The following ENTPD1 variants were observed in gnomAD, a reference collection of about 807,000 sequenced individuals.
The protein encoded by ENTPD1 is ATP diphosphohydrolase.
Under a neutral mutation model 57.0 loss-of-function variants are expected in ENTPD1, and 33 were observed. That is an observed-to-expected ratio of 0.58 (90% confidence interval 0.44 to 0.77). ENTPD1 has a LOEUF of 0.77. Among genes scored for constraint, ENTPD1 ranks in the 30% least tolerant of loss-of-function variants. The pLI is 0.00. For missense variants in ENTPD1, 501 were observed against 603.4 expected, an observed-to-expected ratio of 0.83 and a Z score of 1.78; for synonymous variants, 202 against 218.8, an observed-to-expected ratio of 0.92 and a Z score of 0.68.
chr10:95,793,221 AGCAG>A (rs1458489025), intron 1 of ENTPD1, among the ~76,000 whole-genome samples: 1 of 152,264 alleles, frequency 6.6e-6, no homozygotes. Flanking sequence ...GCTTCTAAAA[AGCAG>A]GCTGATAGTA....
At chr10:95,824,831 G>A (rs1475377562) in intron 2 of ENTPD1, among the ~76,000 whole-genome samples, 1 of 152,164 alleles carries the variant, frequency 6.6e-6, no homozygotes, top group Non-Finnish European at 1.5e-5. Flanking sequence ...TGGCAAAATG[G>A]AACAAGGTCT....
intron 2 of ENTPD1, among the ~76,000 whole-genome samples, chr10:95,834,986 T>C (rs2098406231): frequency 6.6e-6 from 1 of 152,188 alleles, no homozygotes; most frequent in African/African-American, 2.4e-5. Context: ...TGCATATTTG[T>C]TTCATGGGTA....
At chr10:95,839,329 G>A in intron 2 of ENTPD1, 11 of 312,078 alleles carry the variant, frequency 3.5e-5, no homozygotes, top group South Asian at 3.4e-4. Flanking sequence ...ACAAGTTTGG[G>A]GACTATAGAT....
intron 7 of ENTPD1, among the ~76,000 whole-genome samples, chr10:95,859,091 G>A (rs1020883104): frequency 1.3e-5 from 2 of 152,130 alleles, no homozygotes; most frequent in African/African-American, 2.4e-5. Flanking sequence ...CCAAAAAAAG[G>A]AAAATTTATT....
chr10:95,831,298 A>G (rs754730852), intron 2 of ENTPD1, among the ~76,000 whole-genome samples: 1 of 152,202 alleles, frequency 6.6e-6, no homozygotes, highest in Non-Finnish European at 1.5e-5. Context: ...TGCAGGGATC[A>G]TTATTCTGCC....
At chr10:95,740,572 C>G (rs1275842349) in intron 1 of ENTPD1, among the ~76,000 whole-genome samples, 1 of 152,190 alleles carries the variant, frequency 6.6e-6, no homozygotes, top group African/African-American at 2.4e-5. Context: ...CTTCTCCTCT[C>G]TAGCTATGAA....
chr10:95,811,582 C>T (rs1288794514), intron 1 of ENTPD1, among the ~76,000 whole-genome samples: 1 of 152,134 alleles, frequency 6.6e-6, no homozygotes, highest in Non-Finnish European at 1.5e-5. Context: ...GAGATAGGGT[C>T]TCTCCCTATG....
At chr10:95,714,046 C>T (rs1019569443) in intron 1 of ENTPD1, among the ~76,000 whole-genome samples, 3 of 152,186 alleles carry the variant, frequency 2.0e-5, no homozygotes, top group African/African-American at 7.2e-5. Flanking sequence ...CATGATGGCT[C>T]ACTCCTGTAA....
At chr10:95,710,811 T>C (rs2097964954), upstream of ENTPD1, among the ~76,000 whole-genome samples, 1 of 152,218 alleles carries the variant, frequency 6.6e-6, no homozygotes. Context: ...TTTGACTCTA[T>C]GGCAGAAACT....
At position 95,866,625 on chromosome 10, in the gene ENTPD1, T is replaced by A. The variant is rs1024738080; in HGVS notation, c.*242T>A. 4 of 1,354,820 alleles carry A rather than the reference T, an allele frequency of 3.0e-6. No individual in the cohort carries two copies. The African/African-American group carries it at 5.9e-5, about 20-fold the overall frequency. 83.9% of individuals were successfully genotyped at this position (1,354,820 alleles called of 1,614,324 possible). The stretch of plus-strand genomic sequence containing the variant: ...TTCCCAGCTACACCTTTCTCCTTTG[T>A]ACTTTGTGCTTGTATAGGTTTTAAA... On this transcript the variant is annotated 3_prime_UTR_variant, in exon 10 of 10. Coordinates refer to ENST00000371205, the MANE Select transcript of ENTPD1 (RefSeq NM_001776.6).
At chr10:95,863,460 T>C (rs2098468800) in intron 8 of ENTPD1, among the ~76,000 whole-genome samples, 1 of 152,184 alleles carries the variant, frequency 6.6e-6, no homozygotes, top group Non-Finnish European at 1.5e-5. Flanking sequence ...GGACAGGCAA[T>C]GCCAACTGAT....
At chr10:95,854,040 C>T (rs1267050958) in intron 7 of ENTPD1, among the ~76,000 whole-genome samples, 12 of 152,118 alleles carry the variant, frequency 7.9e-5, no homozygotes, top group Non-Finnish European at 1.8e-4. Context: ...TGGTAGAATT[C>T]GGCTGTGAAT....
the ENTPD1 span, among the ~76,000 whole-genome samples, chr10:95,706,292 G>A: frequency 3.9e-5 from 6 of 152,274 alleles, no homozygotes; most frequent in East Asian, 3.9e-4. Flanking sequence ...GGCCAGTAGC[G>A]CCTTTGTTCA....
chr10:95,872,233 C>T lies in ENTPD1; in HGVS notation c.*5850C>T. 1.0e-6 allele frequency: 1 copy of T among 985,450 alleles called. No homozygotes were observed. Among genetic ancestry groups the T allele is most frequent in the Non-Finnish European group, 1.2e-6 (1 of 829,940 alleles). 61.0% of individuals were successfully genotyped at this position (985,450 alleles called of 1,614,324 possible). ...GCAAAGCACAGGCTTAATTTCATTG[C>T]TGCTCAACTAAAACCACTGGTGGCT... On this transcript the variant is annotated 3_prime_UTR_variant, in exon 10 of 10. Transcript: ENST00000371205.
At chr10:95,787,044 G>C (rs1035678940) in intron 1 of ENTPD1, among the ~76,000 whole-genome samples, 1 of 152,106 alleles carries the variant, frequency 6.6e-6, no homozygotes, top group African/African-American at 2.4e-5. Flanking sequence ...TAGTAACCTC[G>C]AGGTTTTGTT....
chr10:95,760,846 T>G (rs1349308707), intron 1 of ENTPD1, among the ~76,000 whole-genome samples: 2 of 99,506 alleles, frequency 2.0e-5, no homozygotes, highest in Admixed American at 2.5e-4. Flanking sequence ...TTTTTTTTTT[T>G]TGAGACGGAG....
Position 95,874,425 on chromosome 10 carries a change from T to C in ENTPD1, c.*8042T>C, listed in dbSNP as rs1807681468. Among the ~76,000 whole-genome samples, 1 of 152,226 alleles carries C rather than the reference T, an allele frequency of 6.6e-6. No homozygotes were observed. The highest frequency in any genetic ancestry group is 2.1e-4 in the South Asian group (1 of 4,834). ...GGTCATGCTGATGCAAGAGATAGGT[T>C]CCCATGGTCTTGTGCAGCTCCGCCC... On this transcript the variant is annotated 3_prime_UTR_variant, in exon 10 of 10. Coordinates refer to ENST00000371205, the MANE Select transcript of ENTPD1 (RefSeq NM_001776.6).
intron 1 of ENTPD1, among the ~76,000 whole-genome samples, chr10:95,808,397 T>C (rs1277353709): frequency 6.6e-6 from 1 of 152,254 alleles, no homozygotes; most frequent in Non-Finnish European, 1.5e-5. Context: ...GTTGCATCTC[T>C]GCCAGGTTTT....
intron 8 of ENTPD1, chr10:95,861,419 T>C (rs546130499): frequency 6.6e-6 from 1 of 152,332 alleles, no homozygotes; most frequent in South Asian, 2.1e-4. Context: ...TGTACTTAAG[T>C]TGACAGTTGC....
Sources: allele counts gnomAD v4.1 joint callset (sites outside exome capture counted in the v4.1 genomes callset), GRCh38; gene constraint gnomAD v4.1.1; transcripts MANE v1.5; gene names NCBI Gene and HGNC (gene_info 2026-07-23, HGNC 2026-07-21).